IFT74: variants seen among roughly 807,000 people sequenced by gnomAD.
IFT74 encodes intraflagellar transport 74.
Under a neutral mutation model 96.7 loss-of-function variants are expected in IFT74, and 92 were observed. That is an observed-to-expected ratio of 0.95 (90% CI 0.80 to 1.13). The LOEUF is 1.13. IFT74 is among the 50% of genes most tolerant of loss of function. The probability of loss-of-function intolerance (pLI) is 0.00; values close to 1 mark genes in which losing one functional copy is unlikely to be tolerated. For synonymous variants in IFT74, 223 were observed against 213.2 expected (o/e 1.05, Z -0.40); for missense variants, 811 against 698.2 (o/e 1.16, Z -1.82).
chr9:27,008,563 T>C (rs1481577266), intron 8 of IFT74, among the ~76,000 whole-genome samples: 1 of 152,134 alleles, frequency 6.6e-6, no homozygotes, highest in Non-Finnish European at 1.5e-5. Flanking sequence ...TTTTGTCGTG[T>C]TGCCCAGGCT....
chr9:26,980,502 T>A (rs1425097844), intron 3 of IFT74, 69 bp from the exon 4 acceptor site: 2 of 908,060 alleles, frequency 2.2e-6, no homozygotes, highest in East Asian at 2.4e-5. Context: ...TAATTCTGAT[T>A]GTGCTTTGGA....
Position 27,052,838 on chromosome 9 carries a change from AT to A in IFT74, c.1334-2770del, listed in dbSNP as rs896906000. Among the ~76,000 whole-genome samples, 37 of 152,082 alleles carry A rather than the reference AT, an allele frequency of 2.4e-4. 1 individual carries two copies. The highest frequency in any genetic ancestry group is 6.6e-4 in the Admixed American group (10 of 15,260). ...TATTCTTGTTCGCCTTTCAGATAGA[AT>A]GGATTTAGTGTACTCCATGTTGTTG... On this transcript the variant is annotated intron_variant, in intron 16 of 19. Coordinates refer to ENST00000380062, the MANE Select transcript of IFT74 (RefSeq NM_025103.4).
intron 6 of IFT74, among the ~76,000 whole-genome samples, 184 bp downstream of exon 6, chr9:26,984,743 A>G (rs1563950958): frequency 6.6e-6 from 1 of 152,212 alleles, no homozygotes; most frequent in Non-Finnish European, 1.5e-5. Context: ...AATGCAAATC[A>G]AAAGAATAAT....
intron 12 of IFT74, among the ~76,000 whole-genome samples, chr9:27,026,323 A>G (rs1311220534): frequency 6.6e-6 from 1 of 152,224 alleles, no homozygotes; most frequent in African/African-American, 2.4e-5. Flanking sequence ...GAGCTCCCAA[A>G]TGTAAAAAAC....
intron 8 of IFT74, among the ~76,000 whole-genome samples, chr9:26,998,451 A>G (rs557420704): frequency 5.1e-4 from 77 of 152,302 alleles, no homozygotes; most frequent in Non-Finnish European, 6.8e-4. Flanking sequence ...ATACAATTGA[A>G]CAAAGAGATT....
chr9:27,022,455 C>T (rs931820670), intron 12 of IFT74, among the ~76,000 whole-genome samples: 5 of 152,092 alleles, frequency 3.3e-5, no homozygotes, highest in Non-Finnish European at 5.9e-5. Flanking sequence ...TTCTAGCCAT[C>T]CATGAGCATG....
intron 8 of IFT74, chr9:26,997,923 C>T (rs1484221188): frequency 3.1e-6 from 5 of 1,613,802 alleles, no homozygotes; most frequent in Non-Finnish European, 4.2e-6. Flanking sequence ...TTCAGTTGTT[C>T]TATTTTGTTT....
intron 12 of IFT74, among the ~76,000 whole-genome samples, chr9:27,021,680 AT>A (rs942599072): frequency 1.2e-4 from 18 of 150,362 alleles, no homozygotes; most frequent in African/African-American, 2.9e-4. Context: ...TTTTTATGGG[AT>A]TTTTTTTTCT....
intron 8 of IFT74, chr9:26,994,204 G>C (rs1260875845): frequency 6.6e-6 from 1 of 152,264 alleles, no homozygotes; most frequent in Middle Eastern, 3.4e-3. Flanking sequence ...TGAATAATCA[G>C]AGAGCAGTTT....
intron 12 of IFT74, 137 bp downstream of exon 12, chr9:27,018,824 G>A (rs1440217872): frequency 6.8e-6 from 3 of 439,330 alleles, no homozygotes; most frequent in African/African-American, 4.0e-5. Context: ...AAGAGCCATT[G>A]CATAGTATAA....
chr9:27,016,740 A>G (rs1226359412), intron 10 of IFT74, among the ~76,000 whole-genome samples, 167 bp from the exon 11 acceptor site: 1 of 152,180 alleles, frequency 6.6e-6, no homozygotes, highest in African/African-American at 2.4e-5. Flanking sequence ...TATTCTTCCA[A>G]TTTAGGAATG....
chr9:27,046,868 G>A (rs1022543511), intron 14 of IFT74, among the ~76,000 whole-genome samples: 11 of 152,136 alleles, frequency 7.2e-5, no homozygotes, highest in Non-Finnish European at 1.2e-4. Context: ...ATTAAACAGT[G>A]GCAGCTTAAA....
At chr9:27,019,959 C>T (rs1829518491) in intron 12 of IFT74, among the ~76,000 whole-genome samples, 1 of 151,770 alleles carries the variant, frequency 6.6e-6, no homozygotes, top group Admixed American at 6.6e-5. Flanking sequence ...AGAAAGCATA[C>T]CAATTGTTTT....
intron 8 of IFT74, among the ~76,000 whole-genome samples, chr9:26,991,913 C>T (rs1194782081): frequency 1.3e-5 from 2 of 152,048 alleles, no homozygotes; most frequent in Admixed American, 6.6e-5. Flanking sequence ...CTTGTAGTCC[C>T]AGCTACTCGG....
rs568727582 is a variant in IFT74 at position 26,975,928 on chromosome 9, G to A, written c.121-2200G>A. ...AGGATCTGCCACATGAGGTGACCAC[G>A]GGACCGTGCAGATAGGACCCACTCA... On this transcript the variant is annotated intron_variant, in intron 2 of 19. Transcript: ENST00000380062. Among the ~76,000 whole-genome samples the A allele has an allele frequency of 2.6e-5, 4 of 151,964 alleles. No homozygotes were observed. The East Asian group carries it at 7.8e-4, about 30-fold the overall frequency.
intron 13 of IFT74, among the ~76,000 whole-genome samples, chr9:27,031,021 G>A (rs191344845): frequency 4.6e-4 from 70 of 152,270 alleles, no homozygotes; most frequent in Middle Eastern, 3.4e-3. Context: ...ATCTTGCTGT[G>A]TTGGCCAGGC....
rs1184666542 is a variant in IFT74 at position 27,047,428 on chromosome 9, C to T, written c.1206+57C>T. On this transcript the variant is annotated intron_variant, in intron 15 of 19. Transcript: ENST00000380062. Reference sequence around the variant, plus strand: ...TTTATTTTTGCCGTGATTAACTTTCCAAATACAACTCAAAAAATAGAACGG... The same window carrying T: ...TTTATTTTTGCCGTGATTAACTTTCTAAATACAACTCAAAAAATAGAACGG... The T allele has an allele frequency of 3.0e-6, 3 of 1,014,212 alleles. No individual in the cohort carries two copies. The East Asian group carries it at 8.1e-5, about 27-fold the overall frequency. The allele number at this position is 1,014,212 out of a possible 1,614,324, so 62.8% of individuals were successfully genotyped here. A position where few individuals can be genotyped will look rare whatever the true frequency, so the allele number is the denominator to read the frequency against.
chr9:27,016,840 G>C, intron 10 of IFT74, 67 bp from the exon 11 acceptor site: 1 of 1,300,244 alleles, frequency 7.7e-7, no homozygotes, highest in Non-Finnish European at 1.0e-6. Flanking sequence ...CTTATAAACT[G>C]AAACCTATTT....
chr9:27,008,138 C>T (rs1828878916), intron 8 of IFT74, among the ~76,000 whole-genome samples: 1 of 152,044 alleles, frequency 6.6e-6, no homozygotes, highest in South Asian at 2.1e-4. Context: ...TGTGAAATAG[C>T]AATGTTAACT....
Sources: gnomAD v4.1 joint callset for allele counts (sites outside exome capture counted in the v4.1 genomes callset) on GRCh38, gnomAD v4.1.1 for gene constraint, MANE v1.5 for transcripts, NCBI Gene and HGNC (gene_info 2026-07-23, HGNC 2026-07-21) for gene names.